Variants in DMD observed in about 807,000 individuals in gnomAD.
The protein encoded by DMD is dystrophin.
DMD carries 63 observed loss-of-function variants against 330.1 expected under a neutral mutation model. The observed-to-expected ratio is 0.19, with a 90% CI of 0.16 to 0.24. The LOEUF (loss-of-function observed/expected upper bound fraction) is 0.24. DMD is among the 10% of genes least tolerant of loss of function. The pLI is 1.00. For synonymous variants in DMD, 1,223 were observed against 959.8 expected (o/e 1.27, Z -5.07); for missense variants, 3,344 against 2,684.1 (o/e 1.25, Z -5.43).
chrX:31,334,950 C>T (rs1302903225), intron 61 of DMD, among the ~76,000 whole-genome samples: 1 of 111,463 alleles, frequency 9.0e-6, no homozygotes, highest in Non-Finnish European at 1.9e-5. Context: ...ACACTTTGTC[C>T]CCCAATATCT....
rs149922633 is a variant in DMD at position 32,484,977 on chromosome X, T to G, written c.2745A>C (p.Thr915=). 2.3e-4 allele frequency: 276 copies of G among 1,210,031 alleles called. 1 individual carries two copies. The African/African-American group carries it at 4.0e-3, about 18-fold the overall frequency. The change falls in exon 21 of 79, where the codon ACA becomes ACC. Residue 915 remains threonine, a synonymous_variant. Transcript: ENST00000357033. ...CAGAAAAGACTTGCTTAAAATGATTTGTAAAGGCCACAAAGTCTGCATCCA... is the reference window on the plus strand; with the variant it reads ...CAGAAAAGACTTGCTTAAAATGATTGGTAAAGGCCACAAAGTCTGCATCCA... The part of the protein sequence containing the change: ...MFLDADFVAF[T]NHFKQVFSDV...
chrX:31,979,989 A>G (rs189015793), intron 44 of DMD, among the ~76,000 whole-genome samples: 1 of 112,414 alleles, frequency 8.9e-6, no homozygotes, highest in East Asian at 2.8e-4. Context: ...TAAAACCACA[A>G]CAATATACCT....
At chrX:31,729,836 C>T (rs1360935503) in intron 51 of DMD, 88 bp from the exon 52 acceptor site, 46 of 716,502 alleles carry the variant, frequency 6.4e-5, no homozygotes, top group Non-Finnish European at 1.0e-4. Context: ...AATTGTGAGA[C>T]CAGCCAAAAC....
chrX:32,831,722 G>A (rs2079172230), intron 4 of DMD, among the ~76,000 whole-genome samples: 1 of 107,609 alleles, frequency 9.3e-6, no homozygotes, highest in African/African-American at 3.4e-5. Context: ...GTATGAGAGA[G>A]AGAAAAAGAC....
chrX:33,267,116 C>A (rs1243715801), intron 1 of DMD, among the ~76,000 whole-genome samples: 1 of 111,468 alleles, frequency 9.0e-6, no homozygotes, highest in African/African-American at 3.3e-5. Context: ...CAAAAGGCTA[C>A]TAGAACTGAT....
intron 44 of DMD, among the ~76,000 whole-genome samples, chrX:32,122,442 C>A (rs1379088849): frequency 1.8e-5 from 2 of 112,013 alleles, no homozygotes; most frequent in African/African-American, 3.2e-5. Flanking sequence ...TAGGTCTTCA[C>A]ACACAGACAC....
intron 62 of DMD, among the ~76,000 whole-genome samples, chrX:31,277,353 TA>T (rs1166074957): frequency 8.9e-6 from 1 of 111,983 alleles, no homozygotes; most frequent in Middle Eastern, 4.6e-3. Context: ...TATATTTCAG[TA>T]AAAAAGTGTT....
At chrX:32,821,720 C>G (rs1403046657) in intron 5 of DMD, among the ~76,000 whole-genome samples, 1 of 111,600 alleles carries the variant, frequency 9.0e-6, no homozygotes, top group Non-Finnish European at 1.9e-5. Flanking sequence ...CACAAAAGAA[C>G]ATGTATTATA....
chrX:32,032,346 A>T (rs1300325874), intron 44 of DMD, among the ~76,000 whole-genome samples: 1 of 111,376 alleles, frequency 9.0e-6, no homozygotes, highest in Non-Finnish European at 1.9e-5. Flanking sequence ...TAAACATGTA[A>T]AATTAAAGTA....
intron 1 of DMD, among the ~76,000 whole-genome samples, chrX:33,081,093 G>T (rs1438679400): frequency 9.1e-6 from 1 of 109,912 alleles, no homozygotes; most frequent in East Asian, 2.9e-4. Context: ...CTGGCTTCAG[G>T]GTGGAGCCTT....
At chrX:31,687,746 T>C (rs913255173) in intron 52 of DMD, among the ~76,000 whole-genome samples, 1 of 112,320 alleles carries the variant, frequency 8.9e-6, no homozygotes, top group African/African-American at 3.2e-5. Context: ...CCGAAAAATC[T>C]GCTGCCAGAT....
intron 13 of DMD, among the ~76,000 whole-genome samples, chrX:32,585,440 G>A (rs1410820344): frequency 9.0e-6 from 1 of 110,713 alleles, no homozygotes; most frequent in Non-Finnish European, 1.9e-5. Context: ...GGTGGCTCAC[G>A]CCTGTAATCC....
chrX:33,112,738 T>G, intron 1 of DMD, among the ~76,000 whole-genome samples: 1 of 110,717 alleles, frequency 9.0e-6, no homozygotes, highest in Non-Finnish European at 1.9e-5. Context: ...ATATTCACTA[T>G]ATGAAATTAA....
chrX:32,454,107 T>C (rs1480956090), intron 26 of DMD, among the ~76,000 whole-genome samples: 3 of 110,800 alleles, frequency 2.7e-5, no homozygotes, highest in African/African-American at 9.8e-5. Flanking sequence ...CACCTCCAAA[T>C]CCATACTACA....
rs752902981 is a variant in DMD, at chrX:32,247,792, A to C, written c.6291-30729T>G. Among the ~76,000 whole-genome samples the C allele has an allele frequency of 2.2e-4, 25 of 111,265 alleles. No homozygotes were observed. The South Asian group carries it at 5.7e-3, about 25-fold the overall frequency. Reference sequence around the variant, plus strand: ...GTGAGTTCATAATTCCTTTCTGTATATATAAATACAGAAATCAGGGTTTAT... The same window carrying C: ...GTGAGTTCATAATTCCTTTCTGTATCTATAAATACAGAAATCAGGGTTTAT... On this transcript the variant is annotated intron_variant, in intron 43 of 78. Transcript: ENST00000357033.
At chrX:31,230,091 C>T (rs2047045651) in intron 63 of DMD, among the ~76,000 whole-genome samples, 1 of 112,114 alleles carries the variant, frequency 8.9e-6, no homozygotes, top group Admixed American at 9.5e-5. Flanking sequence ...GGAACACTAA[C>T]ACATCATACT....
chrX:32,558,958 T>TC (rs1169973136), intron 16 of DMD, among the ~76,000 whole-genome samples: 1 of 59,519 alleles, frequency 1.7e-5, no homozygotes, highest in African/African-American at 6.4e-5. Context: ...TTTTTTTTTT[T>TC]TTTTTTTTTT....
intron 41 of DMD, among the ~76,000 whole-genome samples, chrX:32,310,939 G>C (rs1414434782): frequency 9.0e-6 from 1 of 110,889 alleles, no homozygotes; most frequent in Non-Finnish European, 1.9e-5. Flanking sequence ...ATATATAAGG[G>C]AGCACTAGCC....
At chrX:31,515,902 C>CTGTT (rs1240421703) in intron 55 of DMD, among the ~76,000 whole-genome samples, 1 of 112,194 alleles carries the variant, frequency 8.9e-6, no homozygotes, top group Non-Finnish European at 1.9e-5. Context: ...GACCAAATGA[C>CTGTT]TGTTATTTGA....
Sources: allele counts gnomAD v4.1 joint callset (sites outside exome capture counted in the v4.1 genomes callset), GRCh38; gene constraint gnomAD v4.1.1; transcripts MANE v1.5; gene names NCBI Gene and HGNC (gene_info 2026-07-23, HGNC 2026-07-21).